IMMP2L: variants seen among roughly 807,000 people sequenced by gnomAD.
IMMP2L encodes mitochondrial inner membrane protease subunit 2.
In IMMP2L, 18 loss-of-function variants were observed where a neutral mutation model predicts 19.3. The ratio of observed to expected loss-of-function variants is 0.93; its 90% CI spans 0.64 to 1.38. IMMP2L has a LOEUF of 1.38. Among genes scored for constraint, IMMP2L ranks in the 40% most tolerant of loss-of-function variants. IMMP2L has a pLI of 0.00. For missense variants in IMMP2L, 233 were observed against 218.2 expected (o/e 1.07, Z -0.43); for synonymous variants, 76 against 73.0 (o/e 1.04, Z -0.21).
At chr7:111,136,771 T>A (rs1802385844) in intron 3 of IMMP2L, among the ~76,000 whole-genome samples, 1 of 152,226 alleles carries the variant, frequency 6.6e-6, no homozygotes, top group Non-Finnish European at 1.5e-5. Flanking sequence ...ATCATCAATA[T>A]CATCATCACC....
intron 3 of IMMP2L, among the ~76,000 whole-genome samples, chr7:111,465,343 T>A (rs1840533985): frequency 1.3e-5 from 2 of 151,916 alleles, no homozygotes; most frequent in Non-Finnish European, 2.9e-5. Context: ...ACTCACTTCC[T>A]GGGGTCTATT....
chr7:111,540,524 A>ATC (rs10690549), intron 1 of IMMP2L, among the ~76,000 whole-genome samples: 3,449 of 152,222 alleles, frequency 0.023, 137 homozygotes, highest in African/African-American at 0.079. Flanking sequence ...CTTGATTTTC[A>ATC]TCTCTGGGAA....
chr7:111,081,158 C>T (rs967510234), intron 3 of IMMP2L, among the ~76,000 whole-genome samples: 23 of 152,126 alleles, frequency 1.5e-4, no homozygotes, highest in African/African-American at 5.6e-4. Context: ...TGCTAGAAAA[C>T]TATTTAGTTT....
intron 4 of IMMP2L, among the ~76,000 whole-genome samples, chr7:110,946,045 C>G (rs1368206257): frequency 1.3e-5 from 2 of 152,106 alleles, no homozygotes; most frequent in Non-Finnish European, 2.9e-5. Context: ...AACCACTCAC[C>G]TCAAATTCAA....
At chr7:111,464,206 G>T (rs1840402445) in intron 3 of IMMP2L, among the ~76,000 whole-genome samples, 1 of 152,146 alleles carries the variant, frequency 6.6e-6, no homozygotes, top group Non-Finnish European at 1.5e-5. Flanking sequence ...TACAGGTATA[G>T]CTTACACCTG....
chr7:110,733,705 A>G (rs1158742316), intron 5 of IMMP2L, among the ~76,000 whole-genome samples: 1 of 152,100 alleles, frequency 6.6e-6, no homozygotes, highest in Non-Finnish European at 1.5e-5. Flanking sequence ...GGCCTTTAGT[A>G]TGTGATTAAA....
At chr7:110,988,647 T>C (rs1822109650) in intron 3 of IMMP2L, among the ~76,000 whole-genome samples, 1 of 152,054 alleles carries the variant, frequency 6.6e-6, no homozygotes, top group Non-Finnish European at 1.5e-5. Flanking sequence ...CTGGTCTATA[T>C]ACATGCCCAG....
At chr7:111,381,596 AATG>A (rs1831211154) in intron 3 of IMMP2L, among the ~76,000 whole-genome samples, 1 of 152,000 alleles carries the variant, frequency 6.6e-6, no homozygotes. Context: ...ATACACTAAC[AATG>A]ATGAGAACAA....
intron 3 of IMMP2L, among the ~76,000 whole-genome samples, chr7:111,083,837 T>C (rs958487016): frequency 1.3e-5 from 2 of 152,252 alleles, no homozygotes; most frequent in Non-Finnish European, 2.9e-5. Context: ...TGTACAGCTA[T>C]GCATATTTTA....
At chr7:111,342,360 G>A (rs546494981) in intron 3 of IMMP2L, among the ~76,000 whole-genome samples, 5 of 152,260 alleles carry the variant, frequency 3.3e-5, no homozygotes, top group South Asian at 4.1e-4. Flanking sequence ...TTGGGAGGCC[G>A]AGGTGAGCAG....
rs148642565 is a variant in IMMP2L at position 111,462,416 on chromosome 7, A to C, written c.239+24822T>G. Among the ~76,000 whole-genome samples the C allele has an allele frequency of 1.2e-3, 182 of 152,298 alleles. 2 individuals carry two copies. The highest frequency in any genetic ancestry group is 4.1e-3 in the African/African-American group (170 of 41,588). ...GGTTCAAAGTAGAGATTAGGAAATT[A>C]ATGAACCAATGAAACACAGTTAATT... On this transcript the variant is annotated intron_variant, in intron 3 of 5. Transcript: ENST00000405709.
At chr7:111,490,400 G>A (rs1263668583) in intron 2 of IMMP2L, among the ~76,000 whole-genome samples, 1 of 151,478 alleles carries the variant, frequency 6.6e-6, no homozygotes, top group Admixed American at 6.6e-5. Flanking sequence ...TTACAGGTAG[G>A]AGCCACCATG....
intron 1 of IMMP2L, among the ~76,000 whole-genome samples, chr7:111,536,744 T>G (rs1364454973): frequency 6.6e-6 from 1 of 152,170 alleles, no homozygotes; most frequent in Non-Finnish European, 1.5e-5. Flanking sequence ...GAATAATCAT[T>G]GAGATGAGTT....
At chr7:110,749,601 A>C (rs2130911432) in intron 5 of IMMP2L, among the ~76,000 whole-genome samples, 1 of 152,288 alleles carries the variant, frequency 6.6e-6, no homozygotes, top group East Asian at 1.9e-4. Context: ...TTGCAGGGAC[A>C]TGGATGATGC....
intron 3 of IMMP2L, among the ~76,000 whole-genome samples, chr7:111,446,440 G>A (rs1175684135): frequency 6.7e-6 from 1 of 149,550 alleles, no homozygotes; most frequent in African/African-American, 2.6e-5. Context: ...GCCCCCAGCA[G>A]GGGCACACTG....
chr7:110,813,623 T>C (rs1447539896), intron 5 of IMMP2L, among the ~76,000 whole-genome samples: 1 of 151,876 alleles, frequency 6.6e-6, no homozygotes, highest in Non-Finnish European at 1.5e-5. Context: ...GCCTAAAATA[T>C]TGTTTAATCA....
chr7:111,439,993 A>C (rs190369071), intron 3 of IMMP2L, among the ~76,000 whole-genome samples: 1 of 151,966 alleles, frequency 6.6e-6, no homozygotes, highest in East Asian at 1.9e-4. Context: ...CATAAGAAGC[A>C]CCTCCTCATC....
At chr7:111,115,275 A>C (rs1156903208) in intron 3 of IMMP2L, among the ~76,000 whole-genome samples, 1 of 151,992 alleles carries the variant, frequency 6.6e-6, no homozygotes, top group Non-Finnish European at 1.5e-5. Context: ...AGGAAAAAAT[A>C]TAAGCATCAA....
chr7:111,530,495 C>A (rs1847287802), intron 1 of IMMP2L, among the ~76,000 whole-genome samples: 1 of 152,052 alleles, frequency 6.6e-6, no homozygotes, highest in East Asian at 1.9e-4. Flanking sequence ...ATCATATGTA[C>A]TGATATTAAC....
Sources: allele counts gnomAD v4.1 joint callset (sites outside exome capture counted in the v4.1 genomes callset), GRCh38; gene constraint gnomAD v4.1.1; transcripts MANE v1.5; gene names NCBI Gene and HGNC (gene_info 2026-07-23, HGNC 2026-07-21).